The following LIPJ variants were observed in gnomAD, a reference collection of about 807,000 sequenced individuals.
LIPJ encodes lipase family member J.
A neutral mutation model predicts 39.8 loss-of-function variants in LIPJ; 33 were observed. That is an observed-to-expected ratio of 0.83 (90% CI 0.63 to 1.11). The LOEUF (loss-of-function observed/expected upper bound fraction) is 1.11, where lower values mean the gene tolerates loss of function less well. Among genes scored for constraint, LIPJ ranks in the 50% least tolerant of loss-of-function variants. The pLI, the probability that LIPJ is intolerant of heterozygous loss-of-function variation, is 0.00. For missense variants in LIPJ, 422 were observed against 427.9 expected (o/e 0.99, Z 0.12); for synonymous variants, 128 against 139.2 (o/e 0.92, Z 0.57).
chr10:88,594,722 C>T lies in LIPJ; in HGVS notation c.385C>T (p.Gln129Ter). The change falls in exon 6 of 11, where the codon CAA becomes TAA. Residue 129 changes from glutamine to a stop codon, truncating the protein, a stop_gained. Transcript: ENST00000371939. LOFTEE classifies it high-confidence loss of function. Reference sequence around the variant, plus strand: ...AGCCTCTATTGATTTCACTGTGAAGCAAACCAGACAAGAGGAAATATTTTA... The same window carrying T: ...AGCCTCTATTGATTTCACTGTGAAGTAAACCAGACAAGAGGAAATATTTTA... The T allele has an allele frequency of 6.4e-7, 1 of 1,573,108 alleles. No individual in the cohort carries two copies. Among genetic ancestry groups the T allele is most frequent in the Non-Finnish European group, 8.6e-7 (1 of 1,159,750 alleles).
chr10:88,597,384 T>C (rs1036416222), intron 8 of LIPJ, among the ~76,000 whole-genome samples: 9 of 152,030 alleles, frequency 5.9e-5, no homozygotes, highest in African/African-American at 2.2e-4. Flanking sequence ...TTATCAATAC[T>C]CTTGGAGTGG....
chr10:88,620,800 G>T, the LIPJ span, among the ~76,000 whole-genome samples: 2 of 152,156 alleles, frequency 1.3e-5, no homozygotes, highest in African/African-American at 4.8e-5. Flanking sequence ...TGCAATAAAA[G>T]ATACTATAAA....
the LIPJ span, among the ~76,000 whole-genome samples, chr10:88,615,198 T>A: frequency 6.6e-6 from 1 of 152,140 alleles, no homozygotes; most frequent in Non-Finnish European, 1.5e-5. Context: ...TTCAAAGGGA[T>A]TGTAATATAC....
At chr10:88,594,306 T>C in intron 5 of LIPJ, 162 bp downstream of exon 5, 1 of 600,502 alleles carries the variant, frequency 1.7e-6, no homozygotes, top group Non-Finnish European at 2.9e-6. Context: ...AAAGAGTACT[T>C]GTGTGATTTT....
At chr10:88,613,743 GATAT>G in the LIPJ span, among the ~76,000 whole-genome samples, 30 of 93,812 alleles carry the variant, frequency 3.2e-4, no homozygotes, top group African/African-American at 7.7e-4. Flanking sequence ...AAGGCATCCT[GATAT>G]ATATATATAT....
intron 8 of LIPJ, among the ~76,000 whole-genome samples, chr10:88,599,381 C>G (rs1851386459): frequency 6.6e-6 from 1 of 151,970 alleles, no homozygotes; most frequent in African/African-American, 2.4e-5. Context: ...TACTATATAA[C>G]TGAAAGTTTA....
At chr10:88,620,565 A>G in the LIPJ span, among the ~76,000 whole-genome samples, 8 of 152,324 alleles carry the variant, frequency 5.3e-5, no homozygotes. Context: ...GCTCAACATC[A>G]TTAATCATGT....
intron 8 of LIPJ, 39 bp downstream of exon 8, chr10:88,596,975 AT>A: frequency 8.5e-7 from 1 of 1,183,304 alleles, no homozygotes; most frequent in South Asian, 1.4e-5. Context: ...ATATTTTCCA[AT>A]ATTTGGAAAG....
chr10:88,583,549 A>C (rs567664425), upstream of LIPJ: 1 of 1,081,348 alleles, frequency 9.2e-7, no homozygotes, highest in Non-Finnish European at 1.1e-6. Context: ...GCAGAGAAGC[A>C]GCTTAACCTA....
downstream of LIPJ, among the ~76,000 whole-genome samples, chr10:88,609,357 G>A (rs1851723393): frequency 6.6e-6 from 1 of 152,216 alleles, no homozygotes; most frequent in Non-Finnish European, 1.5e-5. Context: ...CATCTTTAGA[G>A]ATATCTTTTT....
chr10:88,608,293 C>T (rs914414338), downstream of LIPJ, among the ~76,000 whole-genome samples: 1 of 152,352 alleles, frequency 6.6e-6, no homozygotes, highest in African/African-American at 2.4e-5. Flanking sequence ...CATCTCACCA[C>T]TATGTTACCA....
At chr10:88,601,788 C>G (rs1336798353) in intron 8 of LIPJ, among the ~76,000 whole-genome samples, 1 of 152,120 alleles carries the variant, frequency 6.6e-6, no homozygotes, top group Non-Finnish European at 1.5e-5. Context: ...TGATACCTCT[C>G]TCTTCATATA....
At chr10:88,609,199 C>T (rs1851722104), downstream of LIPJ, among the ~76,000 whole-genome samples, 1 of 152,140 alleles carries the variant, frequency 6.6e-6, no homozygotes, top group Non-Finnish European at 1.5e-5. Flanking sequence ...ATTAAACATA[C>T]AGATAGAGAA....
chr10:88,582,998 G>C (rs1755727647), upstream of LIPJ: 1 of 1,494,728 alleles, frequency 6.7e-7, no homozygotes, highest in Non-Finnish European at 9.0e-7. Flanking sequence ...GACTTTCTTG[G>C]GTGCAGGCCC....
chr10:88,594,212 A>G, intron 5 of LIPJ, 68 bp downstream of exon 5: 14 of 1,195,474 alleles, frequency 1.2e-5, no homozygotes, highest in Non-Finnish European at 1.5e-5. Context: ...GAATGCAATA[A>G]AATAAAATTT....
At chr10:88,622,878 G>A in the LIPJ span, among the ~76,000 whole-genome samples, 4 of 152,144 alleles carry the variant, frequency 2.6e-5, no homozygotes, top group African/African-American at 9.7e-5. Context: ...GAAACAAGGA[G>A]ATCTGTTAAG....
exon 4 of LIPJ, chr10:88,591,433 A>T: frequency 6.3e-7 from 1 of 1,599,998 alleles, no homozygotes; most frequent in South Asian, 1.1e-5. Flanking sequence ...ATTGTAACCG[A>T]AGATGGTTAT....
At chr10:88,606,966 A>AT (rs1326193526) in exon 11 of LIPJ, 316 of 1,356,370 alleles carry the variant, frequency 2.3e-4, no homozygotes, top group South Asian at 5.6e-4. Context: ...TCCAATTCTT[A>AT]TTTTTTTTTA....
chr10:88,616,523 C>A, the LIPJ span, among the ~76,000 whole-genome samples: 18 of 152,368 alleles, frequency 1.2e-4, no homozygotes, highest in Admixed American at 3.9e-4. Flanking sequence ...AGAGGCCCGA[C>A]CTGCTGAGGC....
Sources: gnomAD v4.1 joint callset for allele counts (sites outside exome capture counted in the v4.1 genomes callset) on GRCh38, gnomAD v4.1.1 for gene constraint, MANE v1.5 for transcripts, NCBI Gene and HGNC (gene_info 2026-07-23, HGNC 2026-07-21) for gene names.